Variants in CYREN observed in about 807,000 individuals in gnomAD.
CYREN encodes cell cycle regulator of non-homologous end joining.
A neutral mutation model predicts 9.7 loss-of-function variants in CYREN; 7 were observed. That is an observed-to-expected ratio of 0.72 (90% CI 0.41 to 1.36). CYREN has a LOEUF of 1.36. CYREN is among the 40% of genes most tolerant of loss of function. The probability of loss-of-function intolerance (pLI) is 0.01; values close to 1 mark genes in which losing one functional copy is unlikely to be tolerated. For synonymous variants in CYREN, 76 were observed against 77.9 expected, an observed-to-expected ratio of 0.98 and a Z score of 0.13; for missense variants, 215 against 198.1, an observed-to-expected ratio of 1.09 and a Z score of -0.51.
downstream of CYREN, chr7:135,164,920 T>C (rs370468370): frequency 3.2e-5 from 52 of 1,614,040 alleles, no homozygotes; most frequent in Non-Finnish European, 4.3e-5. Flanking sequence ...GCCCAGGCCT[T>C]ACTCATCCTC....
rs753942205 is a variant in CYREN, at chr7:135,166,695, AC to A, written c.389del (p.Gly130ValfsTer19). On this transcript the variant is annotated frameshift_variant, in exon 4 of 4. Transcript: ENST00000393114. LOFTEE classifies it low-confidence loss of function (END_TRUNC). ...PGLSPSQRPG[G>X]SSSACSRSPE... ...GGCTCCTGCTACAGGCAGAGCTGGA[AC>A]CCCCCGGCCTCTGGGAAGGGCTGAG... is the stretch of plus-strand genomic sequence containing the variant. 6.8e-6 allele frequency: 11 copies of A among 1,612,542 alleles called. No homozygotes were observed. In the Admixed American group the frequency reaches 1.3e-4, roughly 20 times the overall value.
At chr7:135,100,591 C>A (rs754142975) in intron 2 of CYREN, among the ~76,000 whole-genome samples, 9 of 152,134 alleles carry the variant, frequency 5.9e-5, no homozygotes, top group Non-Finnish European at 8.8e-5. Context: ...AAAATGGGTT[C>A]TGATGAAAGA....
chr7:135,105,070 G>GC (rs1824453354), intron 2 of CYREN, among the ~76,000 whole-genome samples: 2 of 127,078 alleles, frequency 1.6e-5, no homozygotes, highest in Non-Finnish European at 3.2e-5. Flanking sequence ...TTACATTCAA[G>GC]TTTTTTTTTT....
chr7:135,096,437 T>C (rs1410627569), intron 2 of CYREN, among the ~76,000 whole-genome samples: 1 of 137,336 alleles, frequency 7.3e-6, no homozygotes, highest in Non-Finnish European at 1.6e-5. Context: ...GAAAGAGATA[T>C]ATATGGCTAT....
At chr7:135,159,275 G>C (rs1829869927) in intron 2 of CYREN, among the ~76,000 whole-genome samples, 1 of 152,184 alleles carries the variant, frequency 6.6e-6, no homozygotes, top group Non-Finnish European at 1.5e-5. Flanking sequence ...CCTGTGTTTA[G>C]ATAGCCATCT....
Position 135,145,866 on chromosome 7 carries a change from T to C in CYREN, n.356+22883A>G, listed in dbSNP as rs138890540. Among the ~76,000 whole-genome samples the C allele has an allele frequency of 3.9e-3, 589 of 152,310 alleles. 2 individuals carry two copies. The highest frequency in any genetic ancestry group is 0.013 in the African/African-American group (561 of 41,570). Reference sequence around the variant, plus strand: ...CCAGTGCATATAAAAGTCATGTTTATACTATAAGGTAGCCTATTTAGTGTG... The same window carrying C: ...CCAGTGCATATAAAAGTCATGTTTACACTATAAGGTAGCCTATTTAGTGTG... On this transcript the variant is annotated intron_variant and non_coding_transcript_variant, in intron 2 of 2. Transcript: ENST00000459937.
intron 2 of CYREN, among the ~76,000 whole-genome samples, chr7:135,158,492 C>T (rs569360237): frequency 1.4e-4 from 22 of 152,334 alleles, no homozygotes; most frequent in African/African-American, 5.3e-4. Flanking sequence ...GGCCACATCT[C>T]GGTCTCACAG....
intron 1 of CYREN, among the ~76,000 whole-genome samples, chr7:135,169,988 T>C (rs181966128): frequency 2.0e-3 from 300 of 152,338 alleles, no homozygotes; most frequent in African/African-American, 6.8e-3. Context: ...CTCAGTGATA[T>C]TAGTGACTCC....
At position 135,168,982 on chromosome 7, in the gene CYREN, C is replaced by A; in HGVS notation, c.-60G>T. 1 of 1,463,970 alleles carries A rather than the reference C, an allele frequency of 6.8e-7. No homozygotes were observed. The highest frequency in any genetic ancestry group is 1.4e-5 in the South Asian group (1 of 71,816). The allele number at this position is 1,463,970 out of a possible 1,614,324, so 90.7% of individuals were successfully genotyped here. On this transcript the variant is annotated 5_prime_UTR_variant, in exon 2 of 4. Transcript: ENST00000393114. The stretch of plus-strand genomic sequence containing the variant: ...AAGCTTAATGACCTGTTTTTTAATT[C>A]AGGAAGGTAAATCTCGTTCTCTCGT...
chr7:135,096,742 TGAAAGAAAGAAAGAAA>T (rs3038284), intron 2 of CYREN, among the ~76,000 whole-genome samples: 462 of 101,176 alleles, frequency 4.6e-3, no homozygotes, highest in African/African-American at 0.013. Context: ...AGAGAAAGAA[TGAAAGAAAGAAAGAAA>T]GAAAGAAAGA....
chr7:135,134,853 T>A, intron 2 of CYREN: 1 of 1,549,674 alleles, frequency 6.5e-7, no homozygotes, highest in Middle Eastern at 1.7e-4. Context: ...TAAATCCGGC[T>A]ACTTGCAGAA....
intron 2 of CYREN, among the ~76,000 whole-genome samples, chr7:135,152,328 G>A (rs1829683933): frequency 6.6e-6 from 1 of 152,222 alleles, no homozygotes; most frequent in African/African-American, 2.4e-5. Context: ...ATCCACACAA[G>A]GGTGTTGTGA....
chr7:135,156,153 AG>A lies in CYREN; in HGVS notation n.356+12595del, dbSNP rs572189854. ...TTTGGGATTTCCTTTATAGGTGACT[AG>A]TCACTTTTGCTAATTTTAAAATTCT... On this transcript the variant is annotated intron_variant and non_coding_transcript_variant, in intron 2 of 2. Transcript: ENST00000459937. 1.6e-3 allele frequency among the ~76,000 whole-genome samples: 248 copies of A among 152,246 alleles called. 2 individuals carry two copies. Among genetic ancestry groups the A allele is most frequent in the African/African-American group, 5.9e-3 (245 of 41,526 alleles).
chr7:135,147,523 C>T (rs887897599), intron 2 of CYREN, among the ~76,000 whole-genome samples: 7 of 152,140 alleles, frequency 4.6e-5, no homozygotes, highest in Admixed American at 2.6e-4. Context: ...AAAATAAAAG[C>T]TTTGTTCGGC....
upstream of CYREN, among the ~76,000 whole-genome samples, chr7:135,171,309 G>T (rs77752541): frequency 4.3e-5 from 1 of 23,194 alleles, no homozygotes; most frequent in African/African-American, 7.3e-5. Flanking sequence ...CTCAGTACCT[G>T]TTTTTTTTTT....
chr7:135,150,195 T>G (rs1829634988), intron 2 of CYREN, among the ~76,000 whole-genome samples: 1 of 152,194 alleles, frequency 6.6e-6, no homozygotes, highest in African/African-American at 2.4e-5. Context: ...TCTTTTCTAG[T>G]TAGCTGATCA....
At chr7:135,096,337 A>G (rs931151540) in intron 2 of CYREN, among the ~76,000 whole-genome samples, 2 of 151,520 alleles carry the variant, frequency 1.3e-5, no homozygotes, top group African/African-American at 4.8e-5. Flanking sequence ...AAAGAAAAAG[A>G]GGAAAGAAAG....
At chr7:135,130,601 T>C (rs1828603574) in intron 2 of CYREN, among the ~76,000 whole-genome samples, 1 of 151,802 alleles carries the variant, frequency 6.6e-6, no homozygotes, top group Non-Finnish European at 1.5e-5. Context: ...CTTAATAATA[T>C]ATTAATTTAA....
chr7:135,108,648 T>G (rs1825138940), intron 2 of CYREN, among the ~76,000 whole-genome samples: 1 of 152,204 alleles, frequency 6.6e-6, no homozygotes, highest in Admixed American at 6.5e-5. Flanking sequence ...ATTTCTACCT[T>G]GGAAAATCTG....
Sources: gnomAD v4.1 joint callset for allele counts (sites outside exome capture counted in the v4.1 genomes callset) on GRCh38, gnomAD v4.1.1 for gene constraint, MANE v1.5 for transcripts, NCBI Gene and HGNC (gene_info 2026-07-23, HGNC 2026-07-21) for gene names.